The following EPB41 variants were observed in gnomAD, a reference collection of about 807,000 sequenced individuals.
The protein encoded by EPB41 is erythrocyte membrane protein band 4.1.
Under a neutral mutation model 108.0 loss-of-function variants are expected in EPB41, and 65 were observed. The observed-to-expected ratio is 0.60, with a 90% CI of 0.49 to 0.74. The LOEUF (loss-of-function observed/expected upper bound fraction) is 0.74, where lower values mean the gene tolerates loss of function less well. Ranked by LOEUF, EPB41 falls within the 30% of genes least tolerant of loss-of-function variation. The probability of loss-of-function intolerance (pLI) is 0.00; values close to 1 mark genes in which losing one functional copy is unlikely to be tolerated. For missense variants in EPB41, 875 were observed against 1,037.0 expected, an observed-to-expected ratio of 0.84 and a Z score of 2.15; for synonymous variants, 336 against 358.9, an observed-to-expected ratio of 0.94 and a Z score of 0.72.
chr1:29,047,454 G>T (rs549222567), intron 11 of EPB41, among the ~76,000 whole-genome samples: 7 of 143,036 alleles, frequency 4.9e-5, no homozygotes, highest in Non-Finnish European at 9.1e-5. Context: ...AGGTCTTACT[G>T]TGTTGCCCAG....
At chr1:28,962,980 T>C (rs1051246604) in intron 1 of EPB41, among the ~76,000 whole-genome samples, 4 of 152,320 alleles carry the variant, frequency 2.6e-5, no homozygotes, top group African/African-American at 9.6e-5. Flanking sequence ...TAGACATTTA[T>C]ATTTTTTCTT....
intron 16 of EPB41, among the ~76,000 whole-genome samples, chr1:29,087,086 C>T (rs1391356747): frequency 2.0e-5 from 3 of 151,072 alleles, no homozygotes; most frequent in Non-Finnish European, 2.9e-5. Flanking sequence ...GAACTACAGG[C>T]GCCCGCCACC....
intron 16 of EPB41, among the ~76,000 whole-genome samples, chr1:29,088,427 A>G (rs1011497792): frequency 2.0e-5 from 3 of 152,142 alleles, no homozygotes; most frequent in African/African-American, 7.2e-5. Flanking sequence ...ATTAAGTCTC[A>G]GCTTTGCCTT....
chr1:28,946,716 A>G lies in EPB41; in HGVS notation c.-8+31948A>G, dbSNP rs376712441. Among the ~76,000 whole-genome samples, 322 of 152,312 alleles carry G rather than the reference A, an allele frequency of 2.1e-3. 16 individuals carry two copies. In the South Asian group the frequency reaches 0.065, roughly 31 times the overall value. On this transcript the variant is annotated intron_variant, in intron 1 of 20. Coordinates refer to ENST00000343067, the MANE Select transcript of EPB41 (RefSeq NM_001376013.1). ...TCATACCTATACTCCTCCCTGCTTC[A>G]ATATTTAGCATGTCACTTTGACCAA...
At chr1:29,071,368 ACTACT>A (rs1183630722) in intron 16 of EPB41, 2 of 152,342 alleles carry the variant, frequency 1.3e-5, no homozygotes, top group East Asian at 3.9e-4. Context: ...AAATTCTCAG[ACTACT>A]CTACCTATCC....
chr1:28,977,292 CA>C (rs1217940205), intron 1 of EPB41, among the ~76,000 whole-genome samples: 20 of 151,638 alleles, frequency 1.3e-4, no homozygotes, highest in African/African-American at 4.4e-4. Flanking sequence ...GTGAAGTTTT[CA>C]ACTCAAGAAG....
At chr1:28,953,747 C>T (rs1007567328) in intron 1 of EPB41, among the ~76,000 whole-genome samples, 5 of 152,180 alleles carry the variant, frequency 3.3e-5, no homozygotes, top group Admixed American at 3.3e-4. Context: ...TTAGTTAGAT[C>T]TCATTTTCAT....
intron 4 of EPB41, among the ~76,000 whole-genome samples, chr1:29,005,184 C>T (rs2096378056): frequency 6.6e-6 from 1 of 152,066 alleles, no homozygotes; most frequent in Admixed American, 6.6e-5. Context: ...AACTTAGAAT[C>T]ATGGCAGAAG....
intron 16 of EPB41, chr1:29,071,957 G>T (rs1021849750): frequency 6.6e-6 from 1 of 151,786 alleles, no homozygotes; most frequent in African/African-American, 2.4e-5. Flanking sequence ...TGGCCTCTTA[G>T]AGCAAAAAAA....
chr1:29,014,671 G>A (rs1237126191), intron 5 of EPB41, among the ~76,000 whole-genome samples: 1 of 152,128 alleles, frequency 6.6e-6, no homozygotes, highest in Non-Finnish European at 1.5e-5. Context: ...ACTCGGGAGA[G>A]CCTCCCTTCT....
In EPB41 at chr1:28,993,326, G is replaced by A; in HGVS notation, c.469-4G>A. 1 of 1,611,826 alleles carries A rather than the reference G, an allele frequency of 6.2e-7. No homozygotes were observed. Among genetic ancestry groups the A allele is most frequent in the South Asian group, 1.1e-5 (1 of 90,938 alleles). On this transcript the variant is annotated splice_polypyrimidine_tract_variant and splice_region_variant and intron_variant, in intron 2 of 20. Coordinates refer to ENST00000343067, the MANE Select transcript of EPB41 (RefSeq NM_001376013.1). ...ACTGACTTGGCGATGTCATGGATAT[G>A]TAGCCTGCTCAGGAAGAACTCAGAG...
At chr1:28,907,096 A>T in intron 1 of EPB41, among the ~76,000 whole-genome samples, 1 of 132,776 alleles carries the variant, frequency 7.5e-6, no homozygotes. Flanking sequence ...ATGGAGTCTC[A>T]CTCTTGTCAC....
chr1:29,030,634 G>T lies in EPB41; in HGVS notation c.1212+147G>T. The T allele has an allele frequency of 5.7e-6, 4 of 700,014 alleles. No homozygotes were observed. The South Asian group carries it at 7.0e-5, about 12-fold the overall frequency. 43.4% of individuals were successfully genotyped at this position (700,014 alleles called of 1,614,324 possible). ...AACATTCAAAAGAGATAGTAGACTG[G>T]GCACAGCAGCTCATGCCTGTAGTCC... On this transcript the variant is annotated intron_variant, in intron 8 of 20. Coordinates refer to ENST00000343067, the MANE Select transcript of EPB41 (RefSeq NM_001376013.1).
intron 5 of EPB41, among the ~76,000 whole-genome samples, chr1:29,014,790 A>G (rs1446589058): frequency 1.3e-5 from 2 of 152,206 alleles, no homozygotes; most frequent in African/African-American, 2.4e-5. Context: ...TATGCAACCA[A>G]TCTTTTTTGT....
chr1:28,965,954 G>A (rs1286583968), intron 1 of EPB41, among the ~76,000 whole-genome samples: 5 of 152,040 alleles, frequency 3.3e-5, no homozygotes, highest in Admixed American at 1.3e-4. Flanking sequence ...AGGCTGAGAC[G>A]GGTGGATCAC....
intron 15 of EPB41, among the ~76,000 whole-genome samples, chr1:29,061,568 C>CTTTTTTTTTTT (rs1216571057): frequency 3.3e-5 from 3 of 89,898 alleles, no homozygotes; most frequent in African/African-American, 4.3e-5. Flanking sequence ...TGCGCCTGGC[C>CTTTTTTTTTTT]TTTGTTTTTT....
intron 1 of EPB41, among the ~76,000 whole-genome samples, chr1:28,935,252 G>A (rs778757961): frequency 7.9e-5 from 12 of 151,726 alleles, no homozygotes; most frequent in South Asian, 2.1e-4. Context: ...CCAACATGGC[G>A]AAACGCTGTT....
intron 17 of EPB41, among the ~76,000 whole-genome samples, chr1:29,102,136 ATTAC>A (rs1665631811): frequency 6.6e-6 from 1 of 152,242 alleles, no homozygotes; most frequent in African/African-American, 2.4e-5. Flanking sequence ...ATAGGAAATA[ATTAC>A]TTCATATGGC....
chr1:28,998,815 T>A (rs1335688075), intron 4 of EPB41, among the ~76,000 whole-genome samples: 1 of 152,210 alleles, frequency 6.6e-6, no homozygotes, highest in Non-Finnish European at 1.5e-5. Flanking sequence ...AATGTTCTCA[T>A]CACAAGGTCA....
Sources: gnomAD v4.1 joint callset for allele counts (sites outside exome capture counted in the v4.1 genomes callset) on GRCh38, gnomAD v4.1.1 for gene constraint, MANE v1.5 for transcripts, NCBI Gene and HGNC (gene_info 2026-07-23, HGNC 2026-07-21) for gene names.